The following ADAM20 variants were observed in gnomAD, a reference collection of about 807,000 sequenced individuals.
ADAM20 encodes ADAM metallopeptidase domain 20.
For synonymous variants in ADAM20, 305 were observed against 310.2 expected (o/e 0.98, Z 0.18); for missense variants, 871 against 883.2 (o/e 0.99, Z 0.18).
At chr14:70,546,596 G>C in the ADAM20 span, among the ~76,000 whole-genome samples, 1 of 152,190 alleles carries the variant, frequency 6.6e-6, no homozygotes, top group Non-Finnish European at 1.5e-5. Context: ...ACTTTGAATA[G>C]AATGGAAGGC....
chr14:70,535,019 C>T (rs1883802569), upstream of ADAM20: 1 of 152,128 alleles, frequency 6.6e-6, no homozygotes, highest in South Asian at 2.1e-4. Flanking sequence ...AACTCCCATC[C>T]AATGGAGAAT....
In ADAM20 at chr14:70,523,664, A is replaced by T; in HGVS notation, c.1094T>A (p.Ile365Lys). ...TGTCACCTTTCTATAGGCATGCATTATGCACCACTGTAGCTCGCACACACA... is the reference window on the plus strand; with the variant it reads ...TGTCACCTTTCTATAGGCATGCATTTTGCACCACTGTAGCTCGCACACACA... ...QWCVCELQWCIMHAYRKVTTK... is the reference protein window; with the variant it reads ...QWCVCELQWCKMHAYRKVTTK... Residue 365 changes from isoleucine (I) to lysine (K), a missense_variant, in exon 2 of 2, where the codon ATA (isoleucine) becomes AAA (lysine). Coordinates refer to ENST00000256389, the MANE Select transcript of ADAM20 (RefSeq NM_003814.5). The T allele has an allele frequency of 6.2e-7, 1 of 1,614,088 alleles. No homozygotes were observed. Among genetic ancestry groups the T allele is most frequent in the African/African-American group, 1.3e-5 (1 of 75,046 alleles).
intron 1 of ADAM20, among the ~76,000 whole-genome samples, chr14:70,533,776 A>AAC (rs1555355759): frequency 1.1e-4 from 17 of 151,190 alleles, no homozygotes; most frequent in Non-Finnish European, 1.0e-4. Flanking sequence ...AAAAAAAAAA[A>AAC]CCCTCTTAGA....
chr14:70,526,066 T>G (rs971289122), intron 1 of ADAM20, among the ~76,000 whole-genome samples: 1 of 152,228 alleles, frequency 6.6e-6, no homozygotes, highest in Non-Finnish European at 1.5e-5. Context: ...GTCCATTCAT[T>G]CTAATGTTCA....
At chr14:70,556,112 G>A in the ADAM20 span, 1 of 152,308 alleles carries the variant, frequency 6.6e-6, no homozygotes, top group African/African-American at 2.4e-5. Context: ...CAGCCGGAAG[G>A]CTGCAGCAGG....
chr14:70,532,484 A>G (rs981554532), intron 1 of ADAM20, among the ~76,000 whole-genome samples: 6 of 152,156 alleles, frequency 3.9e-5, no homozygotes, highest in East Asian at 1.9e-4. Flanking sequence ...CAAACTAAAA[A>G]TCTTCTTAAC....
chr14:70,576,215 TAA>T, the ADAM20 span, among the ~76,000 whole-genome samples: 1 of 152,108 alleles, frequency 6.6e-6, no homozygotes, highest in African/African-American at 2.4e-5. Context: ...AGAAAAAAAG[TAA>T]AACTTTACTA....
intron 1 of ADAM20, among the ~76,000 whole-genome samples, chr14:70,529,799 T>A (rs1883670400): frequency 6.6e-6 from 1 of 152,226 alleles, no homozygotes; most frequent in Admixed American, 6.5e-5. Context: ...TACTGTACAC[T>A]ACTGTAAACT....
upstream of ADAM20, among the ~76,000 whole-genome samples, chr14:70,536,488 A>G: frequency 7.4e-6 from 1 of 134,540 alleles, no homozygotes; most frequent in Non-Finnish European, 1.7e-5. Context: ...AAAAAAAAAA[A>G]AAAAAAAAGA....
At chr14:70,538,279 C>T (rs1230524112), upstream of ADAM20, among the ~76,000 whole-genome samples, 2 of 152,160 alleles carry the variant, frequency 1.3e-5, no homozygotes, top group African/African-American at 4.8e-5. Flanking sequence ...CATTCATATG[C>T]CTTTTTCCAT....
chr14:70,533,402 A>G (rs763451282), intron 1 of ADAM20, among the ~76,000 whole-genome samples: 5 of 152,206 alleles, frequency 3.3e-5, no homozygotes, highest in Non-Finnish European at 5.9e-5. Flanking sequence ...CATACATACC[A>G]TGGAATACTA....
At chr14:70,553,278 G>T in the ADAM20 span, among the ~76,000 whole-genome samples, 1 of 64,292 alleles carries the variant, frequency 1.6e-5, no homozygotes, top group Non-Finnish European at 2.7e-5. Flanking sequence ...CCTGCACAAT[G>T]TGCACATGTA....
chr14:70,529,066 T>C (rs1489211384), intron 1 of ADAM20, among the ~76,000 whole-genome samples: 1 of 152,038 alleles, frequency 6.6e-6, no homozygotes, highest in East Asian at 1.9e-4. Context: ...AAGGGAGAAA[T>C]AGATAGCAAC....
intron 1 of ADAM20, among the ~76,000 whole-genome samples, chr14:70,525,573 C>A (rs183914130): frequency 5.3e-5 from 8 of 152,176 alleles, no homozygotes; most frequent in Admixed American, 4.6e-4. Context: ...TTCTTCCAAC[C>A]AAAAACCTAC....
At chr14:70,544,919 A>G in the ADAM20 span, among the ~76,000 whole-genome samples, 1 of 152,212 alleles carries the variant, frequency 6.6e-6, no homozygotes, top group Non-Finnish European at 1.5e-5. Context: ...GAAAGTAATA[A>G]TAAAATTTAT....
chr14:70,557,509 C>G, the ADAM20 span: 1 of 152,220 alleles, frequency 6.6e-6, no homozygotes, highest in Non-Finnish European at 1.5e-5. Flanking sequence ...ACACTTTTAT[C>G]AGAGTACTGC....
chr14:70,524,846 T>C lies in ADAM20; in HGVS notation c.-89A>G. On this transcript the variant is annotated 5_prime_UTR_variant, in exon 2 of 2. Transcript: ENST00000256389. The stretch of plus-strand genomic sequence containing the variant: ...TGGTCTGGCTCCTCCCTCTGAGCTG[T>C]TCAGGGTGCATGGCTGACCTTTAGG... 15 of 1,613,180 alleles carry C rather than the reference T, an allele frequency of 9.3e-6. No individual in the cohort carries two copies. The highest frequency in any genetic ancestry group is 6.7e-5 in the African/African-American group (5 of 75,008).
At chr14:70,555,933 T>C in the ADAM20 span, among the ~76,000 whole-genome samples, 1 of 152,186 alleles carries the variant, frequency 6.6e-6, no homozygotes, top group Admixed American at 6.5e-5. Context: ...ACAGTTCCTT[T>C]TAACGGACCA....
chr14:70,563,865 C>T, the ADAM20 span, among the ~76,000 whole-genome samples: 2 of 152,352 alleles, frequency 1.3e-5, no homozygotes, highest in South Asian at 4.1e-4. Flanking sequence ...GCCAATTAAT[C>T]TACTTTCTTT....
Sources: gnomAD v4.1 joint callset for allele counts (sites outside exome capture counted in the v4.1 genomes callset) on GRCh38, gnomAD v4.1.1 for gene constraint, MANE v1.5 for transcripts, NCBI Gene and HGNC (gene_info 2026-07-23, HGNC 2026-07-21) for gene names.